The following WDR7 variants were observed in gnomAD, a reference collection of about 807,000 sequenced individuals.
The protein encoded by WDR7 is WD repeat domain 7.
In WDR7, 46 loss-of-function variants were observed where a neutral mutation model predicts 169.4. The ratio of observed to expected loss-of-function variants is 0.27; its 90% confidence interval spans 0.21 to 0.35. WDR7 has a LOEUF of 0.35. WDR7 is among the 10% of genes least tolerant of loss of function. WDR7 has a pLI of 1.00. For synonymous variants in WDR7, 612 were observed against 666.8 expected (o/e 0.92, Z 1.27); for missense variants, 1,534 against 1,859.3 (o/e 0.83, Z 3.22).
intron 20 of WDR7, among the ~76,000 whole-genome samples, chr18:56,825,420 A>G (rs1179187466): frequency 1.3e-5 from 2 of 152,212 alleles, no homozygotes; most frequent in African/African-American, 2.4e-5. Flanking sequence ...AGTACTTAAT[A>G]TGTGTCAGAC....
At chr18:56,861,751 G>T (rs1450274066) in intron 20 of WDR7, among the ~76,000 whole-genome samples, 1 of 152,118 alleles carries the variant, frequency 6.6e-6, no homozygotes, top group Non-Finnish European at 1.5e-5. Context: ...GCGGTTTTGA[G>T]AAATAGTTTA....
chr18:56,663,735 T>C (rs1342971538), intron 1 of WDR7, among the ~76,000 whole-genome samples: 1 of 152,040 alleles, frequency 6.6e-6, no homozygotes, highest in Admixed American at 6.6e-5. Flanking sequence ...TGACACGATA[T>C]TATTTTTTGA....
chr18:56,778,513 A>G (rs970656799), intron 17 of WDR7, among the ~76,000 whole-genome samples: 1 of 152,146 alleles, frequency 6.6e-6, no homozygotes, highest in Non-Finnish European at 1.5e-5. Context: ...TTTATTGTAT[A>G]TGTATTTTCA....
At chr18:56,664,965 C>T (rs373447218) in intron 1 of WDR7, among the ~76,000 whole-genome samples, 2 of 152,072 alleles carry the variant, frequency 1.3e-5, no homozygotes, top group African/African-American at 4.8e-5. Flanking sequence ...GTTCAGAACG[C>T]CATGTTGTGT....
intron 19 of WDR7, among the ~76,000 whole-genome samples, chr18:56,789,796 A>C (rs534631202): frequency 7.9e-5 from 12 of 152,348 alleles, no homozygotes; most frequent in African/African-American, 2.9e-4. Context: ...CAAGGCCCCT[A>C]GGAGGCGTAG....
Position 56,816,042 on chromosome 18 carries a change from TC to T in WDR7, c.3203del (p.Ser1068Ter). On this transcript the variant is annotated frameshift_variant, in exon 20 of 28. Coordinates refer to ENST00000254442, the MANE Select transcript of WDR7 (RefSeq NM_015285.3). LOFTEE classifies it high-confidence loss of function. ...CATATTTGTTTTAGCTGGAGTCACA[TC>T]AGAAGCCGCGCAGACTATCACCACG... ...IDHVISPGVT[S>X]EAAQTITTAP... 1 of 1,602,636 alleles carries T rather than the reference TC, an allele frequency of 6.2e-7. No individual in the cohort carries two copies. Among genetic ancestry groups the T allele is most frequent in the Admixed American group, 1.8e-5 (1 of 56,664 alleles).
chr18:56,863,421 G>A (rs1439465533), intron 20 of WDR7, among the ~76,000 whole-genome samples: 3 of 151,672 alleles, frequency 2.0e-5, no homozygotes, highest in Non-Finnish European at 3.0e-5. Context: ...CACTTTGCCA[G>A]CACTGTTTTA....
At chr18:56,739,151 T>A (rs2043574546) in intron 14 of WDR7, among the ~76,000 whole-genome samples, 1 of 152,138 alleles carries the variant, frequency 6.6e-6, no homozygotes, top group Admixed American at 6.5e-5. Flanking sequence ...AGATCTACCA[T>A]CTTAACGTTT....
chr18:56,672,431 C>A, intron 1 of WDR7, 66 bp from the exon 2 acceptor site: 13 of 1,118,340 alleles, frequency 1.2e-5, no homozygotes, highest in Middle Eastern at 5.2e-4. Flanking sequence ...GGTTTTATAA[C>A]AAAAATATAT....
intron 17 of WDR7, among the ~76,000 whole-genome samples, chr18:56,777,842 G>A (rs1205552382): frequency 6.6e-6 from 1 of 152,082 alleles, no homozygotes; most frequent in Non-Finnish European, 1.5e-5. Flanking sequence ...TGGTTTCCTT[G>A]TCATAGAACT....
At chr18:56,719,389 C>T (rs933837271) in intron 13 of WDR7, among the ~76,000 whole-genome samples, 1 of 151,986 alleles carries the variant, frequency 6.6e-6, no homozygotes, top group Non-Finnish European at 1.5e-5. Context: ...CTTGAAACCC[C>T]GTTTCTACTA....
Position 56,924,239 on chromosome 18 carries a change from T to G in WDR7, c.3713+131T>G, listed in dbSNP as rs2046771936. The G allele has an allele frequency of 8.5e-6, 9 of 1,060,526 alleles. No homozygotes were observed. In the Admixed American group the frequency reaches 1.5e-4, roughly 18 times the overall value. 65.7% of individuals were successfully genotyped at this position (1,060,526 alleles called of 1,614,324 possible). Reference sequence around the variant, plus strand: ...TAAAAAATACACAAATGTTTCAATATGTGAAGTTTTGAATATGGACAATGA... The same window carrying G: ...TAAAAAATACACAAATGTTTCAATAGGTGAAGTTTTGAATATGGACAATGA... On this transcript the variant is annotated intron_variant, in intron 22 of 27. Transcript: ENST00000254442.
In WDR7 at chr18:56,695,184, A is replaced by G. The variant is rs376743194; in HGVS notation, c.1343A>G (p.His448Arg). The G allele has an allele frequency of 1.1e-5, 18 of 1,614,172 alleles. No individual in the cohort carries two copies. In the Admixed American group the frequency reaches 1.5e-4, roughly 13 times the overall value. Residue 448 changes from histidine to arginine, a missense_variant, in exon 11 of 28, where the codon CAC (histidine) becomes CGC (arginine). Coordinates refer to ENST00000254442, the MANE Select transcript of WDR7 (RefSeq NM_015285.3). The stretch of plus-strand genomic sequence containing the variant: ...ATAGTACAGCTGTTGCAAGGGGAAC[A>G]CATGCTCAGAAGAGGTATACTGAAG... ...TAIVQLLQGE[H>R]MLRRGWPPHR... is the part of the protein sequence containing the mutation.
intron 14 of WDR7, among the ~76,000 whole-genome samples, chr18:56,735,425 A>G (rs186100052): frequency 2.0e-5 from 3 of 152,316 alleles, no homozygotes; most frequent in East Asian, 1.9e-4. Flanking sequence ...GGGTGTGTGC[A>G]AGTCAGCAAA....
chr18:56,858,219 ACT>A (rs1243967234), intron 20 of WDR7, among the ~76,000 whole-genome samples: 1 of 151,920 alleles, frequency 6.6e-6, no homozygotes, highest in African/African-American at 2.4e-5. Flanking sequence ...TTGACTCTTC[ACT>A]CTCTTTAGCT....
intron 13 of WDR7, among the ~76,000 whole-genome samples, chr18:56,724,546 C>A (rs969133918): frequency 6.6e-6 from 1 of 151,626 alleles, no homozygotes; most frequent in Non-Finnish European, 1.5e-5. Flanking sequence ...CACCAGATAT[C>A]GTGAACTTTA....
At chr18:56,829,015 A>G (rs748090276) in intron 20 of WDR7, among the ~76,000 whole-genome samples, 4 of 151,698 alleles carry the variant, frequency 2.6e-5, no homozygotes, top group Non-Finnish European at 5.9e-5. Context: ...AACATCCCTT[A>G]GGAACATGCT....
At chr18:56,940,739 ATT>A (rs1454861622) in intron 25 of WDR7, among the ~76,000 whole-genome samples, 1 of 152,124 alleles carries the variant, frequency 6.6e-6, no homozygotes, top group Non-Finnish European at 1.5e-5. Context: ...ATTAGGGCTT[ATT>A]TTACTGAATT....
chr18:56,997,625 T>G (rs2047916494), intron 26 of WDR7, among the ~76,000 whole-genome samples: 1 of 152,220 alleles, frequency 6.6e-6, no homozygotes, highest in South Asian at 2.1e-4. Context: ...ACCTACAGCT[T>G]TTTTTAAAGC....
Sources: allele counts gnomAD v4.1 joint callset (sites outside exome capture counted in the v4.1 genomes callset), GRCh38; gene constraint gnomAD v4.1.1; transcripts MANE v1.5; gene names NCBI Gene and HGNC (gene_info 2026-07-23, HGNC 2026-07-21).